CEP350: variants seen among roughly 807,000 people sequenced by gnomAD.
The protein encoded by CEP350 is centrosome-associated protein 350.
Under a neutral mutation model 331.8 loss-of-function variants are expected in CEP350, and 126 were observed. That is an observed-to-expected ratio of 0.38 (90% CI 0.33 to 0.44). The LOEUF (loss-of-function observed/expected upper bound fraction) is 0.44. CEP350 is among the 20% of genes least tolerant of loss of function. The pLI is 1.00. For missense variants in CEP350, 3,406 were observed against 3,634.6 expected (o/e 0.94, Z 1.62); for synonymous variants, 1,200 against 1,259.5 (o/e 0.95, Z 1.00).
intron 15 of CEP350, among the ~76,000 whole-genome samples, 176 bp from the exon 16 acceptor site, chr1:180,033,686 G>T (rs1162176639): frequency 1.3e-5 from 2 of 152,070 alleles, no homozygotes; most frequent in African/African-American, 4.8e-5. Context: ...AGCAATTAGA[G>T]GAATATTCAT....
At chr1:180,076,511 T>A (rs979801820) in intron 28 of CEP350, among the ~76,000 whole-genome samples, 13 of 152,098 alleles carry the variant, frequency 8.5e-5, no homozygotes, top group African/African-American at 2.9e-4. Context: ...TTAAAAAGCA[T>A]TTGTGGGCCA....
At chr1:180,072,961 T>C (rs1042674675) in intron 27 of CEP350, among the ~76,000 whole-genome samples, 2 of 151,662 alleles carry the variant, frequency 1.3e-5, no homozygotes, top group Non-Finnish European at 2.9e-5. Context: ...TTTTAATCCA[T>C]ACACACACGC....
chr1:180,055,662 T>C (rs1164656910), intron 25 of CEP350, among the ~76,000 whole-genome samples: 1 of 143,024 alleles, frequency 7.0e-6, no homozygotes, highest in Non-Finnish European at 1.5e-5. Flanking sequence ...TTCTCCTGCC[T>C]CAGCCTCCTG....
chr1:180,049,864 A>G (rs79716700), intron 22 of CEP350, among the ~76,000 whole-genome samples: 12,690 of 152,222 alleles, frequency 0.083, 703 homozygotes, highest in Non-Finnish European at 0.12. Context: ...TAAAGCAAGT[A>G]AAATATCAGG....
chr1:179,955,507 T>C (rs911154583), intron 1 of CEP350, among the ~76,000 whole-genome samples: 1 of 152,180 alleles, frequency 6.6e-6, no homozygotes, highest in Non-Finnish European at 1.5e-5. Flanking sequence ...GGGGACTGGC[T>C]CCAGTGGCAG....
intron 1 of CEP350, among the ~76,000 whole-genome samples, chr1:179,962,006 C>T (rs550563827): frequency 2.8e-4 from 43 of 151,660 alleles, no homozygotes; most frequent in Non-Finnish European, 5.3e-4. Flanking sequence ...CCACCATGCC[C>T]GGCTAATTTT....
chr1:180,013,048 A>C lies in CEP350; in HGVS notation c.1394-799A>C, dbSNP rs181793897. Among the ~76,000 whole-genome samples the C allele has an allele frequency of 1.6e-3, 242 of 152,330 alleles. 1 individual carries two copies. The highest frequency in any genetic ancestry group is 5.7e-3 in the African/African-American group (236 of 41,582). On this transcript the variant is annotated intron_variant, in intron 9 of 37. Transcript: ENST00000367607. Reference sequence around the variant, plus strand: ...ACCCAAATCCCTGGCTCTGTAGAAGAAGCATTCTAGTAAAAGGAATCATTA... The same window carrying C: ...ACCCAAATCCCTGGCTCTGTAGAAGCAGCATTCTAGTAAAAGGAATCATTA...
intron 21 of CEP350, among the ~76,000 whole-genome samples, chr1:180,045,413 G>T (rs193212146): frequency 6.6e-6 from 1 of 152,090 alleles, no homozygotes; most frequent in Non-Finnish European, 1.5e-5. Flanking sequence ...TTTCAATTAT[G>T]GTTCCATCTT....
At chr1:179,959,186 G>T (rs1157975168) in intron 1 of CEP350, among the ~76,000 whole-genome samples, 2 of 152,248 alleles carry the variant, frequency 1.3e-5, no homozygotes, top group African/African-American at 4.8e-5. Context: ...CTGGGACTTG[G>T]TGGCTCACGC....
At chr1:180,011,414 G>T (rs543229632) in intron 8 of CEP350, among the ~76,000 whole-genome samples, 1 of 152,244 alleles carries the variant, frequency 6.6e-6, no homozygotes, top group South Asian at 2.1e-4. Context: ...TGTATGTTAA[G>T]ACATATTTTT....
At position 180,092,697 on chromosome 1, in the gene CEP350, C is replaced by A. The variant is rs551598087; in HGVS notation, c.6592C>A (p.Arg2198=). ...YAKRVNEWDS[R]TEDFQTPSPV... ...AAAGAGAGTAAATGAATGGGACAGT[C>A]GAACAGAAGATTTTCAGACCCCATC... The change falls in exon 34 of 38, where the codon CGA becomes AGA. Residue 2198 remains arginine, a synonymous_variant. Transcript: ENST00000367607. 20 of 1,612,520 alleles carry A rather than the reference C, an allele frequency of 1.2e-5. 1 individual carries two copies. Among genetic ancestry groups the A allele is most frequent in the African/African-American group, 8.0e-5 (6 of 74,978 alleles).
intron 1 of CEP350, among the ~76,000 whole-genome samples, chr1:179,981,106 A>G (rs1023532983): frequency 9.2e-5 from 14 of 152,214 alleles, no homozygotes; most frequent in Non-Finnish European, 1.6e-4. Context: ...CATTGACAGC[A>G]TAACCATGAA....
chr1:180,113,932 G>C lies in CEP350; in HGVS notation c.*2771G>C, dbSNP rs1661564495. On this transcript the variant is annotated 3_prime_UTR_variant, in exon 38 of 38. Coordinates refer to ENST00000367607, the MANE Select transcript of CEP350 (RefSeq NM_014810.5). ...AGTCCAAAACAATTTGTGCTATCCA[G>C]GGTAGTTAACTCTGGGTTAAACAAG... is the stretch of plus-strand genomic sequence containing the variant. 1.3e-5 allele frequency: 2 copies of C among 152,596 alleles called. No individual in the cohort carries two copies. Among genetic ancestry groups the C allele is most frequent in the African/African-American group, 4.8e-5 (2 of 41,436 alleles). The allele number at this position is 152,596 out of a possible 1,614,324, so 9.5% of individuals were successfully genotyped here.
chr1:180,090,932 T>C, intron 33 of CEP350, 136 bp downstream of exon 33: 1 of 739,518 alleles, frequency 1.4e-6, no homozygotes, highest in Non-Finnish European at 1.9e-6. Flanking sequence ...ATTTTAAAGT[T>C]ACTTTTATAT....
intron 7 of CEP350, among the ~76,000 whole-genome samples, chr1:180,005,095 T>C (rs571827289): frequency 2.8e-4 from 42 of 151,462 alleles, no homozygotes; most frequent in African/African-American, 9.9e-4. Context: ...TTACAGCTTA[T>C]CTATCTGCAC....
chr1:179,973,323 C>A (rs537782554), intron 1 of CEP350, among the ~76,000 whole-genome samples: 2 of 152,132 alleles, frequency 1.3e-5, no homozygotes, highest in African/African-American at 2.4e-5. Context: ...AAGCCATAGA[C>A]CTAGTAGTCA....
chr1:179,966,366 A>G (rs761629538), intron 1 of CEP350, among the ~76,000 whole-genome samples: 7 of 152,110 alleles, frequency 4.6e-5, no homozygotes, highest in Non-Finnish European at 8.8e-5. Context: ...TACCGTTGTG[A>G]TTTTAAATTA....
At chr1:179,984,939 C>T (rs1219596130) in intron 1 of CEP350, among the ~76,000 whole-genome samples, 1 of 152,150 alleles carries the variant, frequency 6.6e-6, no homozygotes, top group Non-Finnish European at 1.5e-5. Flanking sequence ...ATGGGCAGAT[C>T]ATGATCTTTC....
At chr1:180,002,439 A>T (rs1045220473) in intron 6 of CEP350, among the ~76,000 whole-genome samples, 5 of 152,156 alleles carry the variant, frequency 3.3e-5, no homozygotes, top group African/African-American at 7.2e-5. Context: ...TTGCCATTGC[A>T]CTCCAGCCTG....
Sources: allele counts gnomAD v4.1 joint callset (sites outside exome capture counted in the v4.1 genomes callset), GRCh38; gene constraint gnomAD v4.1.1; transcripts MANE v1.5; gene names NCBI Gene and HGNC (gene_info 2026-07-23, HGNC 2026-07-21).